Variants in OR4D6 observed in about 807,000 individuals in gnomAD.
OR4D6 encodes the protein olfactory receptor family 4 subfamily D member 6, also known as olfactory receptor 4D6.
In OR4D6, 9 loss-of-function variants were observed where a neutral mutation model predicts 10.9. The ratio of observed to expected loss-of-function variants is 0.82; its 90% CI spans 0.50 to 1.44. The LOEUF (loss-of-function observed/expected upper bound fraction) is 1.44. Among genes scored for constraint, OR4D6 ranks in the 40% most tolerant of loss-of-function variants. The pLI, the probability that OR4D6 is intolerant of heterozygous loss-of-function variation, is 0.00. For synonymous variants in OR4D6, 167 were observed against 154.4 expected, an observed-to-expected ratio of 1.08 and a Z score of -0.60; for missense variants, 370 against 384.4, an observed-to-expected ratio of 0.96 and a Z score of 0.31.
In OR4D6 at chr11:59,457,718, C is replaced by A; in HGVS notation, c.758C>A (p.Pro253His). The A allele has an allele frequency of 6.2e-7, 1 of 1,614,132 alleles. No individual in the cohort carries two copies. Among genetic ancestry groups the A allele is most frequent in the Non-Finnish European group, 8.5e-7 (1 of 1,180,000 alleles). The stretch of plus-strand genomic sequence containing the variant: ...CTGGTGGTGACTCTTCACTTCGTGC[C>A]TTGTGTTTACATCTACTGCCGGCCC... ...HMLVVTLHFV[P>H]CVYIYCRPFM... The change falls in exon 1 of 1, where the codon CCT (proline) becomes CAT (histidine). Residue 253 changes from proline (P) to histidine (H), a missense_variant. By Grantham distance (77) the Pro-to-His change is moderately conservative. Coordinates refer to ENST00000300127, the MANE Select transcript of OR4D6 (RefSeq NM_001004708.1).
In OR4D6 at chr11:59,457,172, T is replaced by A. The variant is rs1206896132; in HGVS notation, c.212T>A (p.Ile71Asn). The change falls in exon 1 of 1, where the codon ATC becomes AAC. Residue 71 changes from isoleucine (I) to asparagine (N), a missense_variant. By Grantham distance (149) the Ile-to-Asn change is moderately radical (BLOSUM62 -3). Coordinates refer to ENST00000300127, the MANE Select transcript of OR4D6 (RefSeq NM_001004708.1). ...CTGCGGAACAAATCAGTCCTGGACA[T>A]CGTTTTTTCATCTATCACCGTCCCC... The part of the protein sequence containing the change: ...FLLRNKSVLD[I>N]VFSSITVPKF... 1 of 1,613,708 alleles carries A rather than the reference T, an allele frequency of 6.2e-7. No homozygotes were observed. The highest frequency in any genetic ancestry group is 1.1e-5 in the South Asian group (1 of 91,054).
At position 59,457,596 on chromosome 11, in the gene OR4D6, C is replaced by T. The variant is rs756597085; in HGVS notation, c.636C>T (p.Leu212=). ...NNGLVTLLWF[L]LLLGSYTVIL... is the part of the protein sequence containing the mutation. ...GACTGGTGACCCTGCTCTGGTTCCT[C>T]CTGCTCCTGGGCTCCTACACTGTCA... Residue 212 remains leucine, a synonymous_variant, in exon 1 of 1, where the codon CTC becomes CTT. Transcript: ENST00000300127. 1.5e-5 allele frequency: 25 copies of T among 1,614,130 alleles called. No homozygotes were observed. The highest frequency in any genetic ancestry group is 2.1e-5 in the Non-Finnish European group (25 of 1,180,022).
In OR4D6 at chr11:59,457,445, T is replaced by G. The variant is rs1023670761; in HGVS notation, c.485T>G (p.Leu162Arg). 1 of 1,614,178 alleles carries G rather than the reference T, an allele frequency of 6.2e-7. No homozygotes were observed. The highest frequency in any genetic ancestry group is 8.5e-7 in the Non-Finnish European group (1 of 1,180,020). ...GGLHSIIQVI[L>R]MLPFPFCGPN... ...TTGCATTCAATCATCCAGGTAATTC[T>G]GATGCTTCCATTCCCCTTCTGTGGC... is the stretch of plus-strand genomic sequence containing the variant. Residue 162 changes from leucine (L) to arginine (R), a missense_variant, in exon 1 of 1, where the codon CTG (leucine) becomes CGG (arginine). Leu to Arg is a moderately radical substitution (Grantham distance 102, BLOSUM62 -2). Coordinates refer to ENST00000300127, the MANE Select transcript of OR4D6 (RefSeq NM_001004708.1).
Position 59,457,013 on chromosome 11 carries a change from C to A in OR4D6, c.53C>A (p.Thr18Lys). 1 of 1,614,134 alleles carries A rather than the reference C, an allele frequency of 6.2e-7. No homozygotes were observed. The highest frequency in any genetic ancestry group is 8.5e-7 in the Non-Finnish European group (1 of 1,179,976). ...AAGGAGTTTTTCTTCCTGGAACTTA[C>A]ACGTTCCCGAGAGCTGGAGTTTTTC... The part of the protein sequence containing the change: ...NVKEFFFLEL[T>K]RSRELEFFLF... Residue 18 changes from threonine (T) to lysine (K), a missense_variant, in exon 1 of 1, where the codon ACA becomes AAA. By Grantham distance (78) the Thr-to-Lys change is moderately conservative. Coordinates refer to ENST00000300127, the MANE Select transcript of OR4D6 (RefSeq NM_001004708.1).
In OR4D6 at chr11:59,457,721, G is replaced by A. The variant is rs1858688790; in HGVS notation, c.761G>A (p.Cys254Tyr). ...GTGGTGACTCTTCACTTCGTGCCTT[G>A]TGTTTACATCTACTGCCGGCCCTTC... is the stretch of plus-strand genomic sequence containing the variant. ...MLVVTLHFVP[C>Y]VYIYCRPFMT... Residue 254 changes from cysteine (C) to tyrosine (Y), a missense_variant, in exon 1 of 1, where the codon TGT becomes TAT. Transcript: ENST00000300127. The A allele has an allele frequency of 1.2e-6, 2 of 1,613,830 alleles. No homozygotes were observed. The highest frequency in any genetic ancestry group is 1.7e-6 in the Non-Finnish European group (2 of 1,179,918).
chr11:59,457,503 G>T lies in OR4D6; in HGVS notation c.543G>T (p.Val181=). 1 of 1,614,108 alleles carries T rather than the reference G, an allele frequency of 6.2e-7. No individual in the cohort carries two copies. The highest frequency in any genetic ancestry group is 8.5e-7 in the Non-Finnish European group (1 of 1,180,026). ...PNTLDAFYCY[V]LQVVKLACTD... is the part of the protein sequence containing the mutation. ...CACTGGATGCCTTCTACTGTTATGT[G>T]CTCCAGGTGGTAAAACTGGCCTGCA... Residue 181 remains valine, a synonymous_variant, in exon 1 of 1, where the codon GTG becomes GTT. Coordinates refer to ENST00000300127, the MANE Select transcript of OR4D6 (RefSeq NM_001004708.1).
chr11:59,457,387 G>T lies in OR4D6; in HGVS notation c.427G>T (p.Ala143Ser). Residue 143 changes from alanine to serine, a missense_variant, in exon 1 of 1, where the codon GCC becomes TCC. Ala to Ser is a moderately conservative substitution (Grantham distance 99). Transcript: ENST00000300127. ...CATGATGAGGAAAGAGGTGTGGGTG[G>T]CCTTGGTGGTGGCTTCTTGGGTGAG... ...VTMMRKEVWVALVVASWVSGG... is the reference protein window; with the variant it reads ...VTMMRKEVWVSLVVASWVSGG... 1 of 1,614,000 alleles carries T rather than the reference G, an allele frequency of 6.2e-7. No individual in the cohort carries two copies. The highest frequency in any genetic ancestry group is 1.1e-5 in the South Asian group (1 of 91,058).
rs934833702 is a variant in OR4D6 at position 59,457,181 on chromosome 11, C to T, written c.221C>T (p.Ser74Leu). 2 of 1,613,198 alleles carry T rather than the reference C, an allele frequency of 1.2e-6. No individual in the cohort carries two copies. The highest frequency in any genetic ancestry group is 3.3e-4 in the Middle Eastern group (2 of 6,058). ...AAATCAGTCCTGGACATCGTTTTTTCATCTATCACCGTCCCCAAGTTCCTG... is the reference window on the plus strand; with the variant it reads ...AAATCAGTCCTGGACATCGTTTTTTTATCTATCACCGTCCCCAAGTTCCTG... ...RNKSVLDIVFSSITVPKFLVD... is the reference protein window; with the variant it reads ...RNKSVLDIVFLSITVPKFLVD... Residue 74 changes from serine to leucine, a missense_variant, in exon 1 of 1, where the codon TCA (serine) becomes TTA (leucine). By Grantham distance (145) the Ser-to-Leu change is moderately radical (BLOSUM62 -2). Transcript: ENST00000300127.
rs1050132151 is a variant in OR4D6 at position 59,457,294 on chromosome 11, A to T, written c.334A>T (p.Ile112Phe). The T allele has an allele frequency of 1.9e-6, 3 of 1,613,438 alleles. No homozygotes were observed. Among genetic ancestry groups the T allele is most frequent in the Non-Finnish European group, 2.5e-6 (3 of 1,179,794 alleles). ...FFFHFAGGAD[I>F]FFLSVMAYDR... is the part of the protein sequence containing the mutation. ...CTTCCACTTTGCTGGTGGGGCAGATATTTTTTTCCTCTCTGTGATGGCCTA... is the reference window on the plus strand; with the variant it reads ...CTTCCACTTTGCTGGTGGGGCAGATTTTTTTTTCCTCTCTGTGATGGCCTA... Residue 112 changes from isoleucine (I) to phenylalanine (F), a missense_variant, in exon 1 of 1, where the codon ATT (isoleucine) becomes TTT (phenylalanine). Physicochemically the swap from Ile to Phe is conservative, Grantham distance 21. Coordinates refer to ENST00000300127, the MANE Select transcript of OR4D6 (RefSeq NM_001004708.1).
chr11:59,456,993 GT>G lies in OR4D6; in HGVS notation c.38del (p.Phe13SerfsTer24), dbSNP rs1292857005. The G allele has an allele frequency of 6.2e-7, 1 of 1,613,954 alleles. No homozygotes were observed. The highest frequency in any genetic ancestry group is 1.3e-5 in the African/African-American group (1 of 74,908). On this transcript the variant is annotated frameshift_variant, in exon 1 of 1. Transcript: ENST00000300127. LOFTEE classifies it high-confidence loss of function. ...AGATCAACCACACTAATGTGAAGGA[GT>G]TTTTCTTCCTGGAACTTACACGTTC... ...DQINHTNVKE[F>X]FFLELTRSRE...
In OR4D6 at chr11:59,457,791, C is replaced by T. The variant is rs1367567810; in HGVS notation, c.831C>T (p.Val277=). The T allele has an allele frequency of 6.2e-7, 1 of 1,613,318 alleles. No individual in the cohort carries two copies. The highest frequency in any genetic ancestry group is 8.5e-7 in the Non-Finnish European group (1 of 1,179,394). The stretch of plus-strand genomic sequence containing the variant: ...CAACCATATCCATTAATAACACGGT[C>T]ATTACCCCCATGCTGAACCCCATCA... ...MDTTISINNT[V]ITPMLNPIIY... Residue 277 remains valine, a synonymous_variant, in exon 1 of 1, where the codon GTC becomes GTT. Transcript: ENST00000300127.
Position 59,457,601 on chromosome 11 carries a change from T to G in OR4D6, c.641T>G (p.Leu214Arg). The G allele has an allele frequency of 6.2e-7, 1 of 1,614,148 alleles. No individual in the cohort carries two copies. The highest frequency in any genetic ancestry group is 8.5e-7 in the Non-Finnish European group (1 of 1,180,016). Residue 214 changes from leucine to arginine, a missense_variant, in exon 1 of 1, where the codon CTC (leucine) becomes CGC (arginine). Physicochemically the swap from Leu to Arg is moderately radical, Grantham distance 102. Coordinates refer to ENST00000300127, the MANE Select transcript of OR4D6 (RefSeq NM_001004708.1). Reference sequence around the variant, plus strand: ...GTGACCCTGCTCTGGTTCCTCCTGCTCCTGGGCTCCTACACTGTCATTCTG... The same window carrying G: ...GTGACCCTGCTCTGGTTCCTCCTGCGCCTGGGCTCCTACACTGTCATTCTG... ...GLVTLLWFLL[L>R]LGSYTVILVM...
Position 59,457,149 on chromosome 11 carries a change from G to A in OR4D6, c.189G>A (p.Leu63=). 1.2e-6 allele frequency: 2 copies of A among 1,614,084 alleles called. No individual in the cohort carries two copies. The highest frequency in any genetic ancestry group is 1.7e-6 in the Non-Finnish European group (2 of 1,179,992). The change falls in exon 1 of 1, where the codon CTG becomes CTA. Residue 63 remains leucine, a synonymous_variant. Coordinates refer to ENST00000300127, the MANE Select transcript of OR4D6 (RefSeq NM_001004708.1). Reference sequence around the variant, plus strand: ...TACACACTCCTATGTACTTTCTCCTGCGGAACAAATCAGTCCTGGACATCG... The same window carrying A: ...TACACACTCCTATGTACTTTCTCCTACGGAACAAATCAGTCCTGGACATCG... ...SRLHTPMYFL[L]RNKSVLDIVF...
rs1450915365 is a variant in OR4D6, at chr11:59,457,457, T to C, written c.497T>C (p.Phe166Ser). The change falls in exon 1 of 1, where the codon TTC (phenylalanine) becomes TCC (serine). Residue 166 changes from phenylalanine (F) to serine (S), a missense_variant. By Grantham distance (155) the Phe-to-Ser change is radical. Transcript: ENST00000300127. ...ATCCAGGTAATTCTGATGCTTCCAT[T>C]CCCCTTCTGTGGCCCCAACACACTG... ...SIIQVILMLP[F>S]PFCGPNTLDA... The C allele has an allele frequency of 6.2e-7, 1 of 1,614,040 alleles. No individual in the cohort carries two copies. The highest frequency in any genetic ancestry group is 8.5e-7 in the Non-Finnish European group (1 of 1,180,038).
rs756842463 is a variant in OR4D6 at position 59,457,361 on chromosome 11, C to T, written c.401C>T (p.Thr134Ile). ...ATCGCCAAGCCCCTGCACTATGTGA[C>T]CATGATGAGGAAAGAGGTGTGGGTG... ...LAIAKPLHYV[T>I]MMRKEVWVAL... The change falls in exon 1 of 1, where the codon ACC becomes ATC. Residue 134 changes from threonine (T) to isoleucine (I), a missense_variant. Thr to Ile is a moderately conservative substitution (Grantham distance 89). Transcript: ENST00000300127. 2.2e-5 allele frequency: 35 copies of T among 1,613,302 alleles called. No individual in the cohort carries two copies. The South Asian group carries it at 3.5e-4, about 16-fold the overall frequency.
Position 59,457,164 on chromosome 11 carries a change from C to T in OR4D6, c.204C>T (p.Val68=). The T allele has an allele frequency of 6.2e-7, 1 of 1,613,964 alleles. No homozygotes were observed. ...PMYFLLRNKS[V]LDIVFSSITV... ...ACTTTCTCCTGCGGAACAAATCAGTCCTGGACATCGTTTTTTCATCTATCA... is the reference window on the plus strand; with the variant it reads ...ACTTTCTCCTGCGGAACAAATCAGTTCTGGACATCGTTTTTTCATCTATCA... The change falls in exon 1 of 1, where the codon GTC becomes GTT. Residue 68 remains valine, a synonymous_variant. Transcript: ENST00000300127.
rs139230114 is a variant in OR4D6, at chr11:59,457,200, G to C, written c.240G>C (p.Lys80Asn). 12 of 1,613,268 alleles carry C rather than the reference G, an allele frequency of 7.4e-6. No homozygotes were observed. The highest frequency in any genetic ancestry group is 1.0e-5 in the Non-Finnish European group (12 of 1,179,630). The part of the protein sequence containing the change: ...DIVFSSITVP[K>N]FLVDLLSDRK... ...TTTTTTCATCTATCACCGTCCCCAAGTTCCTGGTGGATCTTTTATCAGACA... is the reference window on the plus strand; with the variant it reads ...TTTTTTCATCTATCACCGTCCCCAACTTCCTGGTGGATCTTTTATCAGACA... Residue 80 changes from lysine (K) to asparagine (N), a missense_variant, in exon 1 of 1, where the codon AAG becomes AAC. Coordinates refer to ENST00000300127, the MANE Select transcript of OR4D6 (RefSeq NM_001004708.1).
Position 59,457,281 on chromosome 11 carries a change from T to C in OR4D6, c.321T>C (p.Ala107=). ...CMAQIFFFHF[A]GGADIFFLSV... is the part of the protein sequence containing the mutation. ...CACAGATCTTTTTCTTCCACTTTGC[T>C]GGTGGGGCAGATATTTTTTTCCTCT... The change falls in exon 1 of 1, where the codon GCT becomes GCC. Residue 107 remains alanine (A), a synonymous_variant. Coordinates refer to ENST00000300127, the MANE Select transcript of OR4D6 (RefSeq NM_001004708.1). 6.2e-7 allele frequency: 1 copy of C among 1,613,808 alleles called. No homozygotes were observed. Among genetic ancestry groups the C allele is most frequent in the Non-Finnish European group, 8.5e-7 (1 of 1,179,878 alleles).
In OR4D6 at chr11:59,457,258, C is replaced by T. The variant is rs1259404264; in HGVS notation, c.298C>T (p.Gln100Ter). The part of the protein sequence containing the change: ...KTISYNDCMA[Q>*]IFFFHFAGGA... The stretch of plus-strand genomic sequence containing the variant: ...CATCTCCTACAATGACTGCATGGCA[C>T]AGATCTTTTTCTTCCACTTTGCTGG... The change falls in exon 1 of 1, where the codon CAG (glutamine) becomes TAG (stop). Residue 100 changes from glutamine (Q) to a stop codon, truncating the protein, a stop_gained. Coordinates refer to ENST00000300127, the MANE Select transcript of OR4D6 (RefSeq NM_001004708.1). LOFTEE classifies it high-confidence loss of function. 1 of 1,613,842 alleles carries T rather than the reference C, an allele frequency of 6.2e-7. No individual in the cohort carries two copies. Among genetic ancestry groups the T allele is most frequent in the South Asian group, 1.1e-5 (1 of 91,042 alleles).
Sources: allele counts gnomAD v4.1 joint callset, GRCh38; gene constraint gnomAD v4.1.1; transcripts MANE v1.5; gene names NCBI Gene and HGNC (gene_info 2026-07-23, HGNC 2026-07-21).